Variants in C2 observed in about 807,000 individuals in gnomAD.
The protein encoded by C2 is C3/C5 convertase.
A neutral mutation model predicts 85.2 loss-of-function variants in C2; 64 were observed. The observed-to-expected ratio is 0.75, with a 90% CI of 0.61 to 0.92. C2 has a LOEUF of 0.92. Ranked by LOEUF, C2 falls within the 40% of genes least tolerant of loss-of-function variation. The pLI is 0.00. For synonymous variants in C2, 311 were observed against 370.8 expected (o/e 0.84, Z 1.85); for missense variants, 820 against 971.6 (o/e 0.84, Z 2.07).
intron 9 of C2, among the ~76,000 whole-genome samples, chr6:31,942,499 C>T (rs1014848317): frequency 6.6e-6 from 1 of 151,740 alleles, no homozygotes; most frequent in African/African-American, 2.4e-5. Context: ...TGCCATGTTG[C>T]CCAGGCTGGT....
chr6:31,932,743 A>C (rs1291137403), intron 3 of C2, among the ~76,000 whole-genome samples: 10 of 152,294 alleles, frequency 6.6e-5, no homozygotes, highest in Middle Eastern at 6.8e-3. Flanking sequence ...CAATCTCGGC[A>C]CTTTGGGAGG....
At position 31,922,264 on chromosome 6, in the gene C2, T is replaced by A. The variant is rs1022952834; in HGVS notation, c.-100+2238T>A. ...AGCAATGCTGAATCCCCATCTAAAG[T>A]CACACATTAAGGCTGTGAACCAGGC... On this transcript the variant is annotated intron_variant, in intron 1 of 3. Coordinates refer to the C2 transcript ENST00000413154. The surrounding 1 kb of genome is among the most constrained non-coding windows in gnomAD (Gnocchi z 4.8). Among the ~76,000 whole-genome samples the A allele has an allele frequency of 6.6e-6, 1 of 151,634 alleles. No homozygotes were observed. Among genetic ancestry groups the A allele is most frequent in the Non-Finnish European group, 1.5e-5 (1 of 67,924 alleles).
Position 31,936,066 on chromosome 6 carries a change from G to T in C2, c.988+5G>T. ...TGGAAAATGCCAACTATAAAGGTACGGGTGTCATCACGTGATGGTGATGAG... is the reference window on the plus strand; with the variant it reads ...TGGAAAATGCCAACTATAAAGGTACTGGTGTCATCACGTGATGGTGATGAG... On this transcript the variant is annotated splice_donor_5th_base_variant and intron_variant, in intron 7 of 17. Transcript: ENST00000299367. 2 of 1,612,822 alleles carry T rather than the reference G, an allele frequency of 1.2e-6. No individual in the cohort carries two copies. The highest frequency in any genetic ancestry group is 1.7e-6 in the Non-Finnish European group (2 of 1,179,956).
upstream of C2, among the ~76,000 whole-genome samples, chr6:31,923,074 G>C (rs936435325): frequency 6.6e-6 from 1 of 152,162 alleles, no homozygotes; most frequent in Non-Finnish European, 1.5e-5. Context: ...TGAAAACACG[G>C]TTACATTTGC....
rs1191534427 is a variant in C2 at position 31,928,068 on chromosome 6, G to A, written c.160G>A (p.Gly54Ser). The A allele has an allele frequency of 2.5e-6, 4 of 1,614,044 alleles. No individual in the cohort carries two copies. The highest frequency in any genetic ancestry group is 3.4e-6 in the Non-Finnish European group (4 of 1,180,008). The change falls in exon 2 of 18, where the codon GGC (glycine) becomes AGC (serine). Residue 54 changes from glycine (G) to serine (S), a missense_variant. Physicochemically the swap from Gly to Ser is moderately conservative, Grantham distance 56. Coordinates refer to ENST00000299367, the MANE Select transcript of C2 (RefSeq NM_000063.6). ...GSLLTYSCPQGLYPSPASRLC... is the reference protein window; with the variant it reads ...GSLLTYSCPQSLYPSPASRLC... ...CCTTCTCACCTACTCCTGCCCCCAG[G>A]GCCTGTACCCATCCCCAGCATCACG...
At chr6:31,914,153 C>T (rs1213817407) in intron 1 of C2, among the ~76,000 whole-genome samples, 7 of 151,428 alleles carry the variant, frequency 4.6e-5, no homozygotes, top group South Asian at 2.1e-4. Context: ...CCTTGTGATC[C>T]GCCTGCCTCG....
At chr6:31,930,509 C>A (rs1043857983) in intron 3 of C2, among the ~76,000 whole-genome samples, 1 of 152,220 alleles carries the variant, frequency 6.6e-6, no homozygotes, top group Non-Finnish European at 1.5e-5. Context: ...TGCCACCACA[C>A]CTGGCCATAA....
At chr6:31,914,713 C>T (rs1032359251) in intron 1 of C2, among the ~76,000 whole-genome samples, 7 of 151,894 alleles carry the variant, frequency 4.6e-5, no homozygotes, top group Non-Finnish European at 8.8e-5. Context: ...GAGATGGAGA[C>T]CATCCTGGCT....
rs1432390990 is a variant in C2 at position 31,928,874 on chromosome 6, C to T, written c.399C>T (p.Pro133=). ...GCTCGCCTGTGCGTCAGTGTCGCCC[C>T]AACGGCATGTGGGATGGAGAAACAG... ...LRGSPVRQCR[P]NGMWDGETAV... Residue 133 remains proline (P), a synonymous_variant, in exon 3 of 18, where the codon CCC becomes CCT. Transcript: ENST00000299367. 3.1e-6 allele frequency: 5 copies of T among 1,614,030 alleles called. No individual in the cohort carries two copies. The highest frequency in any genetic ancestry group is 4.5e-5 in the East Asian group (2 of 44,900).
At chr6:31,900,806 G>T, upstream of C2, 2 of 1,600,142 alleles carry the variant, frequency 1.2e-6, no homozygotes, top group Non-Finnish European at 1.7e-6. The surrounding 1 kb of genome is among the most constrained non-coding windows in gnomAD (Gnocchi z 9.7). Flanking sequence ...AGGTGGGGGT[G>T]GGGGCTTCGG....
chr6:31,917,581 CT>C (rs1276393522), upstream of C2, among the ~76,000 whole-genome samples: 6 of 151,976 alleles, frequency 3.9e-5, no homozygotes, highest in South Asian at 2.1e-4. Context: ...CCTGTACCCC[CT>C]GTATCTAAAA....
chr6:31,903,022 C>T (rs1022109814), intron 1 of C2, among the ~76,000 whole-genome samples: 1 of 152,180 alleles, frequency 6.6e-6, no homozygotes, highest in African/African-American at 2.4e-5. Context: ...TTCTCTTTCT[C>T]TTGTCTCTCT....
intron 1 of C2, among the ~76,000 whole-genome samples, chr6:31,905,603 A>G (rs1767662186): frequency 1.7e-5 from 1 of 60,504 alleles, no homozygotes; most frequent in African/African-American, 9.8e-5. Flanking sequence ...ACCTGTCTCA[A>G]AAATAATAAA....
At chr6:31,911,722 CG>C (rs912032845) in intron 1 of C2, among the ~76,000 whole-genome samples, 8 of 151,498 alleles carry the variant, frequency 5.3e-5, no homozygotes, top group African/African-American at 1.9e-4. Context: ...CTCCGCCTCC[CG>C]GGTTCAAGCA....
rs1397238807 is a variant in C2, at chr6:31,921,700, A to G, written c.-100+1674A>G. Among the ~76,000 whole-genome samples, 1 of 152,154 alleles carries G rather than the reference A, an allele frequency of 6.6e-6. No homozygotes were observed. Among genetic ancestry groups the G allele is most frequent in the Non-Finnish European group, 1.5e-5 (1 of 68,032 alleles). The stretch of plus-strand genomic sequence containing the variant: ...TCAGTTCCCTCATCTGTAAAGTGGG[A>G]GTAACAACAGAACCTGTGTCATAAG... On this transcript the variant is annotated intron_variant, in intron 1 of 3. Coordinates refer to the C2 transcript ENST00000413154. This position sits in a 1 kb window ranked among gnomAD's most constrained non-coding sequence, Gnocchi z 4.6.
rs548066683 is a variant in C2, at chr6:31,921,254, A to T, written c.-100+1228A>T. 6.6e-6 allele frequency among the ~76,000 whole-genome samples: 1 copy of T among 152,218 alleles called. No homozygotes were observed. The highest frequency in any genetic ancestry group is 2.1e-4 in the South Asian group (1 of 4,824). On this transcript the variant is annotated intron_variant, in intron 1 of 3. Coordinates refer to the C2 transcript ENST00000413154. The surrounding 1 kb of genome is among the most constrained non-coding windows in gnomAD (Gnocchi z 4.6). ...GGGTGGAAATAGGATGGGGGAGGGC[A>T]TTGGCTTGACCTTACTTGGATAGCT...
At chr6:31,900,330 C>T, upstream of C2, 1 of 1,610,746 alleles carries the variant, frequency 6.2e-7, no homozygotes, top group African/African-American at 1.3e-5. This position sits in a 1 kb window ranked among gnomAD's most constrained non-coding sequence, Gnocchi z 9.7. Context: ...GGGTTTCCAC[C>T]TGAGAAGCCC....
intron 6 of C2, chr6:31,934,934 G>A: frequency 3.7e-6 from 1 of 272,322 alleles, no homozygotes; most frequent in Non-Finnish European, 5.6e-6. Flanking sequence ...CTTGGATCCG[G>A]GAGGTGGAGG....
intron 1 of C2, among the ~76,000 whole-genome samples, chr6:31,913,030 CAAAAAAAAA>C (rs34465217): frequency 1.4e-5 from 1 of 70,552 alleles, no homozygotes; most frequent in Non-Finnish European, 2.8e-5. Flanking sequence ...CCTGTTTCCA[CAAAAAAAAA>C]AAAAAAAAAA....
Sources: allele counts gnomAD v4.1 joint callset (sites outside exome capture counted in the v4.1 genomes callset), GRCh38; gene constraint gnomAD v4.1.1; non-coding constraint Gnocchi (gnomAD v3.1); transcripts MANE v1.5; gene names NCBI Gene and HGNC (gene_info 2026-07-23, HGNC 2026-07-21).